Variants in SMG6 observed in about 807,000 individuals in gnomAD.
The protein encoded by SMG6 is SMG6 nonsense mediated mRNA decay factor.
Under a neutral mutation model 142.2 loss-of-function variants are expected in SMG6, and 66 were observed. The ratio of observed to expected loss-of-function variants is 0.46; its 90% CI spans 0.38 to 0.57. SMG6 has a LOEUF of 0.57. SMG6 is among the 20% of genes least tolerant of loss of function. The pLI is 0.00. For missense variants in SMG6, 1,793 were observed against 1,832.0 expected, an observed-to-expected ratio of 0.98 and a Z score of 0.39; for synonymous variants, 779 against 702.4, an observed-to-expected ratio of 1.11 and a Z score of -1.72.
At chr17:2,106,399 AGGGAACTCTGCTTACTGG>A (rs1282688537) in intron 13 of SMG6, among the ~76,000 whole-genome samples, 2 of 152,178 alleles carry the variant, frequency 1.3e-5, no homozygotes, top group Non-Finnish European at 2.9e-5. Context: ...GGGTCTCTCA[AGGGAACTCTGCTTACTGG>A]GGGAAAAGAG....
chr17:2,289,155 CAGA>C (rs1321370924), intron 6 of SMG6, among the ~76,000 whole-genome samples: 2 of 150,556 alleles, frequency 1.3e-5, no homozygotes, highest in African/African-American at 4.9e-5. Flanking sequence ...GGGGCTGAGG[CAGA>C]AGAATAGCTT....
chr17:2,144,194 G>A (rs1418946921), intron 13 of SMG6, among the ~76,000 whole-genome samples: 1 of 151,558 alleles, frequency 6.6e-6, no homozygotes, highest in Non-Finnish European at 1.5e-5. Flanking sequence ...GAGTAGCTGG[G>A]ATTACAGGTG....
At chr17:2,236,328 G>A (rs1457098933) in intron 10 of SMG6, among the ~76,000 whole-genome samples, 164 bp downstream of exon 10, 4 of 142,820 alleles carry the variant, frequency 2.8e-5, no homozygotes, top group African/African-American at 5.0e-5. Flanking sequence ...AGATTTCAAA[G>A]TAAACTAAAT....
intron 8 of SMG6, among the ~76,000 whole-genome samples, chr17:2,258,002 C>A (rs2074223191): frequency 8.8e-6 from 1 of 113,958 alleles, no homozygotes; most frequent in South Asian, 2.9e-4. Flanking sequence ...AAGCGAGACT[C>A]TGTCGCAAAA....
chr17:2,126,905 CAT>C (rs1345566354), intron 13 of SMG6, among the ~76,000 whole-genome samples: 5 of 120,284 alleles, frequency 4.2e-5, no homozygotes, highest in African/African-American at 1.1e-4. Flanking sequence ...CACGCACACA[CAT>C]GCACACAGAC....
intron 16 of SMG6, among the ~76,000 whole-genome samples, chr17:2,066,652 T>TACACACACACACACACAC (rs1161956483): frequency 0.01 from 1,241 of 119,560 alleles, 35 homozygotes; most frequent in Non-Finnish European, 0.014. Flanking sequence ...CATGTGGGAA[T>TACACACACACACACACAC]ACACACACAC....
intron 10 of SMG6, chr17:2,232,720 C>G (rs113827246): frequency 6.6e-6 from 1 of 152,114 alleles, no homozygotes; most frequent in Admixed American, 6.6e-5. Context: ...CACCAACACC[C>G]GTGAACCCGT....
intron 14 of SMG6, among the ~76,000 whole-genome samples, chr17:2,084,017 C>A (rs2068490627): frequency 6.6e-6 from 1 of 152,218 alleles, no homozygotes; most frequent in Non-Finnish European, 1.5e-5. Flanking sequence ...AAGTGTGGCA[C>A]TACCAAGATC....
intron 10 of SMG6, among the ~76,000 whole-genome samples, chr17:2,205,931 C>CT (rs1281545676): frequency 6.6e-6 from 1 of 152,160 alleles, no homozygotes; most frequent in Admixed American, 6.5e-5. Flanking sequence ...GCCTCAGCCT[C>CT]TTGAGTAGCT....
At chr17:2,194,208 C>G (rs2072249662) in intron 10 of SMG6, among the ~76,000 whole-genome samples, 1 of 152,216 alleles carries the variant, frequency 6.6e-6, no homozygotes, top group African/African-American at 2.4e-5. Flanking sequence ...TGTGCTCTAC[C>G]TGGAACCACA....
Position 2,300,619 on chromosome 17 carries a change from C to T in SMG6, c.134G>A (p.Arg45Lys). 1 of 1,608,092 alleles carries T rather than the reference C, an allele frequency of 6.2e-7. No individual in the cohort carries two copies. Among genetic ancestry groups the T allele is most frequent in the Non-Finnish European group, 8.5e-7 (1 of 1,178,112 alleles). ...LKEARPRKDN[R>K]RPDLEIYKPG... ...CTTATAGATTTCCAGATCTGGACGC[C>T]TGTTATCTTTGCGCGGCCTGGCCTC... is the stretch of plus-strand genomic sequence containing the variant. The change falls in exon 2 of 19, where the codon AGG (arginine) becomes AAG (lysine). Residue 45 changes from arginine (R) to lysine (K), a missense_variant. Coordinates refer to ENST00000263073, the MANE Select transcript of SMG6 (RefSeq NM_017575.5).
At chr17:2,162,407 G>T (rs999356013) in intron 13 of SMG6, among the ~76,000 whole-genome samples, 2 of 151,436 alleles carry the variant, frequency 1.3e-5, no homozygotes, top group Non-Finnish European at 2.9e-5. Context: ...CCAGCTACTC[G>T]GGAGGCTGAG....
chr17:2,208,050 G>GC (rs1263197635), intron 10 of SMG6, among the ~76,000 whole-genome samples: 2 of 152,130 alleles, frequency 1.3e-5, no homozygotes, highest in East Asian at 3.9e-4. Context: ...GATGGCTTAA[G>GC]CCCAGGAGTT....
At chr17:2,218,466 G>A (rs1055095543) in intron 10 of SMG6, among the ~76,000 whole-genome samples, 1 of 152,054 alleles carries the variant, frequency 6.6e-6, no homozygotes, top group East Asian at 1.9e-4. Flanking sequence ...AGAATGGCGT[G>A]GACCCAGGGG....
chr17:2,186,766 C>A lies in SMG6; in HGVS notation c.3052G>T (p.Asp1018Tyr). The A allele has an allele frequency of 6.2e-7, 1 of 1,614,240 alleles. No homozygotes were observed. Among genetic ancestry groups the A allele is most frequent in the Non-Finnish European group, 8.5e-7 (1 of 1,180,040 alleles). Residue 1018 changes from aspartate to tyrosine, a missense_variant, in exon 12 of 19, where the codon GAC (aspartate) becomes TAC (tyrosine). By Grantham distance (160) the Asp-to-Tyr change is radical (BLOSUM62 -3). This residue lies in a region of SMG6 where 1,597 missense variants were observed against 1,584.6 expected (regional missense o/e 1.01). Coordinates refer to ENST00000263073, the MANE Select transcript of SMG6 (RefSeq NM_017575.5). ...ACACTGGGGAGCAGCTCCTTCAGGT[C>A]CGGGACAAAGGAAGACACCTTGATG... ...DDIKVSSFVP[D>Y]LKELLPSVKV...
chr17:2,222,068 G>A (rs1010451682), intron 10 of SMG6, among the ~76,000 whole-genome samples: 13 of 152,256 alleles, frequency 8.5e-5, no homozygotes, highest in Admixed American at 6.5e-4. Flanking sequence ...TTGATATAAC[G>A]CATGTTTACT....
rs1567561836 is a variant in SMG6, at chr17:2,061,319, G to C, written c.*173C>G. 3.1e-6 allele frequency: 2 copies of C among 646,572 alleles called. No homozygotes were observed. Among genetic ancestry groups the C allele is most frequent in the East Asian group, 5.9e-5 (2 of 33,646 alleles). The allele number at this position is 646,572 out of a possible 1,614,324, so 40.1% of individuals were successfully genotyped here. On this transcript the variant is annotated 3_prime_UTR_variant, in exon 19 of 19. Coordinates refer to ENST00000263073, the MANE Select transcript of SMG6 (RefSeq NM_017575.5). ...AGCTTCCGCCCGATCCTTGGGAGGGGCTCTGTGAGGAGCAGGTCCCCCACA... is the reference window on the plus strand; with the variant it reads ...AGCTTCCGCCCGATCCTTGGGAGGGCCTCTGTGAGGAGCAGGTCCCCCACA...
At chr17:2,216,787 A>T (rs894129470) in intron 10 of SMG6, among the ~76,000 whole-genome samples, 1 of 152,224 alleles carries the variant, frequency 6.6e-6, no homozygotes, top group South Asian at 2.1e-4. Flanking sequence ...GGATTTATGC[A>T]TTTTATGAAG....
intron 15 of SMG6, among the ~76,000 whole-genome samples, chr17:2,081,381 T>C (rs574856223): frequency 2.0e-5 from 3 of 152,136 alleles, no homozygotes; most frequent in South Asian, 2.1e-4. Flanking sequence ...TTCCATTTCA[T>C]TGGGAATCCA....
Sources: gnomAD v4.1 joint callset for allele counts (sites outside exome capture counted in the v4.1 genomes callset) on GRCh38, gnomAD v4.1.1 for gene constraint, gnomAD v4.1.1 regional missense constraint, MANE v1.5 for transcripts, NCBI Gene and HGNC (gene_info 2026-07-23, HGNC 2026-07-21) for gene names.